The following PARVB variants were observed in gnomAD, a reference collection of about 807,000 sequenced individuals.
PARVB encodes parvin beta.
In PARVB, 46 loss-of-function variants were observed where a neutral mutation model predicts 47.0. That is an observed-to-expected ratio of 0.98 (90% CI 0.77 to 1.25). The LOEUF (loss-of-function observed/expected upper bound fraction) is 1.25. Among genes scored for constraint, PARVB ranks in the 50% most tolerant of loss-of-function variants. PARVB has a pLI of 0.00. For missense variants in PARVB, 473 were observed against 471.6 expected (o/e 1.00, Z -0.03); for synonymous variants, 196 against 196.3 (o/e 1.00, Z 0.01).
intron 3 of PARVB, chr22:44,111,152 C>T (rs773882628): frequency 1.2e-4 from 18 of 151,520 alleles, no homozygotes; most frequent in Admixed American, 1.1e-3. Flanking sequence ...TAGTAAGCAT[C>T]TAGGGCCACA....
intron 4 of PARVB, among the ~76,000 whole-genome samples, chr22:44,123,566 A>G (rs1482413399): frequency 6.6e-6 from 1 of 151,934 alleles, no homozygotes; most frequent in African/African-American, 2.4e-5. Context: ...GGTGCATGCC[A>G]CCATGCATGA....
rs1387415555 is a variant in PARVB at position 44,068,514 on chromosome 22, G to A, written c.113-25414G>A. On this transcript the variant is annotated intron_variant, in intron 1 of 12. Coordinates refer to ENST00000338758, the MANE Select transcript of PARVB (RefSeq NM_013327.5). This position sits in a 1 kb window ranked among gnomAD's most constrained non-coding sequence, Gnocchi z 4.1. ...CTCCCGAGAGCAGCCTGCCGCCTCC[G>A]TGTCGGGGCAGCCTCAGCTTCTTCT... is the stretch of plus-strand genomic sequence containing the variant. 1.3e-5 allele frequency among the ~76,000 whole-genome samples: 2 copies of A among 152,200 alleles called. No homozygotes were observed. The highest frequency in any genetic ancestry group is 2.4e-5 in the African/African-American group (1 of 41,458).
intron 1 of PARVB, among the ~76,000 whole-genome samples, chr22:44,030,658 G>A (rs1003856548): frequency 6.6e-6 from 1 of 152,170 alleles, no homozygotes; most frequent in Non-Finnish European, 1.5e-5. Context: ...GGCGTGGGTG[G>A]GCGCAGGCGT....
rs2054263300 is a variant in PARVB, at chr22:44,171,062, G to A, written c.*2384G>A. ...CAAAAGCCACACTGACAAAAAGCCT[G>A]GGGCTGGAACGTTCTGTGCTGCCTG... On this transcript the variant is annotated 3_prime_UTR_variant, in exon 13 of 13. Coordinates refer to ENST00000338758, the MANE Select transcript of PARVB (RefSeq NM_013327.5). The A allele has an allele frequency of 6.6e-6, 1 of 152,274 alleles. No individual in the cohort carries two copies. Among genetic ancestry groups the A allele is most frequent in the African/African-American group, 2.4e-5 (1 of 41,466 alleles). The allele number at this position is 152,274 out of a possible 1,614,324, so 9.4% of individuals were successfully genotyped here.
intron 7 of PARVB, among the ~76,000 whole-genome samples, chr22:44,138,026 A>G (rs1461053029): frequency 1.3e-5 from 2 of 152,276 alleles, no homozygotes; most frequent in East Asian, 3.9e-4. Context: ...GCCCCCTGCC[A>G]TAAAACTAGA....
intron 1 of PARVB, among the ~76,000 whole-genome samples, chr22:44,074,676 G>A (rs939810990): frequency 2.0e-5 from 3 of 152,180 alleles, no homozygotes; most frequent in African/African-American, 7.2e-5. Context: ...AGGGGAGTGG[G>A]GTGGGGAACA....
At chr22:44,082,656 GC>G (rs1308481584) in intron 1 of PARVB, among the ~76,000 whole-genome samples, 1 of 152,158 alleles carries the variant, frequency 6.6e-6, no homozygotes, top group African/African-American at 2.4e-5. Context: ...GCCCCTCCAT[GC>G]CCCGGTTTCT....
chr22:44,019,789 C>T (rs1233647388), upstream of PARVB, among the ~76,000 whole-genome samples: 1 of 152,170 alleles, frequency 6.6e-6, no homozygotes, highest in African/African-American at 2.4e-5. Flanking sequence ...CCCCAGGACC[C>T]ACACACCCCC....
At position 44,148,198 on chromosome 22, in the gene PARVB, T is replaced by A. The variant is rs2053728734; in HGVS notation, c.774+276T>A. 7 of 478,378 alleles carry A rather than the reference T, an allele frequency of 1.5e-5. No individual in the cohort carries two copies. In the South Asian group the frequency reaches 1.5e-4, roughly 10 times the overall value. 29.6% of individuals were successfully genotyped at this position (478,378 alleles called of 1,614,324 possible). ...CCCCATTTCTTTCTGACTCGAGACCTTTTTTCAATGTGGAAATGTTTTTAA... is the reference window on the plus strand; with the variant it reads ...CCCCATTTCTTTCTGACTCGAGACCATTTTTCAATGTGGAAATGTTTTTAA... On this transcript the variant is annotated intron_variant, in intron 9 of 12. Transcript: ENST00000338758.
rs767683974 is a variant in PARVB at position 44,119,020 on chromosome 22, T to C, written c.274-18T>C. The C allele has an allele frequency of 9.3e-5, 147 of 1,579,968 alleles. 1 individual carries two copies. The South Asian group carries it at 1.6e-3, about 17-fold the overall frequency. Reference sequence around the variant, plus strand: ...TGGCGCTGGTGGACTGAGGCCATAATGCCTGCGTCTCCTGCAGGTCCTCCT... The same window carrying C: ...TGGCGCTGGTGGACTGAGGCCATAACGCCTGCGTCTCCTGCAGGTCCTCCT... On this transcript the variant is annotated intron_variant, in intron 3 of 12. Transcript: ENST00000338758.
At chr22:44,085,117 G>A (rs541023040) in intron 1 of PARVB, among the ~76,000 whole-genome samples, 2 of 152,162 alleles carry the variant, frequency 1.3e-5, no homozygotes, top group East Asian at 3.9e-4. Context: ...GAGTTTTCTA[G>A]TTGTATTTTT....
At chr22:44,131,759 C>T in intron 5 of PARVB, 132 bp downstream of exon 5, 1 of 956,666 alleles carries the variant, frequency 1.0e-6, no homozygotes, top group East Asian at 2.6e-5. Context: ...GTTCATCTCC[C>T]TGCTCTGTAA....
At chr22:44,081,409 G>A (rs544844900) in intron 1 of PARVB, among the ~76,000 whole-genome samples, 4 of 152,316 alleles carry the variant, frequency 2.6e-5, no homozygotes, top group South Asian at 2.1e-4. Context: ...CCACATCCCC[G>A]TTTCCATGGC....
intron 9 of PARVB, chr22:44,150,162 A>AAAACG (rs1205828515): frequency 8.2e-6 from 1 of 121,392 alleles, no homozygotes; most frequent in African/African-American, 3.4e-5. Context: ...ATCTCAAAAC[A>AAAACG]AAACGAAACA....
intron 4 of PARVB, chr22:44,119,771 A>G (rs1352530642): frequency 3.8e-6 from 2 of 532,272 alleles, no homozygotes; most frequent in Admixed American, 3.9e-5. Context: ...AAAGACAAAT[A>G]TTTTTGAATG....
At chr22:44,067,791 GATTAGCCCTGGGGACCTGC>G (rs2051567580) in intron 1 of PARVB, among the ~76,000 whole-genome samples, 1 of 152,200 alleles carries the variant, frequency 6.6e-6, no homozygotes, top group South Asian at 2.1e-4. Flanking sequence ...TGGGGACCTG[GATTAGCCCTGGGGACCTGC>G]ATTAGTGCTG....
At chr22:44,033,672 C>T (rs1479227843) in intron 1 of PARVB, among the ~76,000 whole-genome samples, 1 of 152,180 alleles carries the variant, frequency 6.6e-6, no homozygotes, top group East Asian at 1.9e-4. Flanking sequence ...CAAGCAACGC[C>T]ATCTTAGGAA....
At chr22:44,148,036 GCCA>G (rs1569154121) in intron 9 of PARVB, 114 bp downstream of exon 9, 2 of 834,080 alleles carry the variant, frequency 2.4e-6, no homozygotes. Context: ...AGAAATGTTT[GCCA>G]CATGGATTGA....
intron 2 of PARVB, among the ~76,000 whole-genome samples, chr22:44,017,499 A>G (rs76785526): frequency 0.019 from 2,882 of 152,276 alleles, 96 homozygotes; most frequent in African/African-American, 0.066. Context: ...TCTTACAATT[A>G]AGCACCACTT....
Sources: allele counts gnomAD v4.1 joint callset (sites outside exome capture counted in the v4.1 genomes callset), GRCh38; gene constraint gnomAD v4.1.1; non-coding constraint Gnocchi (gnomAD v3.1); transcripts MANE v1.5; gene names NCBI Gene and HGNC (gene_info 2026-07-23, HGNC 2026-07-21).